The following SHROOM3 variants were observed in gnomAD, a reference collection of about 807,000 sequenced individuals.
SHROOM3 encodes the protein protein Shroom3.
In SHROOM3, 47 loss-of-function variants were observed where a neutral mutation model predicts 138.6. That is an observed-to-expected ratio of 0.34 (90% confidence interval 0.27 to 0.43). The LOEUF is 0.43. Among genes scored for constraint, SHROOM3 ranks in the 20% least tolerant of loss-of-function variants. SHROOM3 has a pLI of 1.00. For synonymous variants in SHROOM3, 1,062 were observed against 1,063.3 expected, an observed-to-expected ratio of 1.00 and a Z score of 0.02; for missense variants, 2,491 against 2,596.5, an observed-to-expected ratio of 0.96 and a Z score of 0.88.
chr4:76,729,728 T>C (rs1720820219), intron 3 of SHROOM3, among the ~76,000 whole-genome samples: 1 of 152,252 alleles, frequency 6.6e-6, no homozygotes, highest in East Asian at 1.9e-4. Context: ...CCAGGTCTCC[T>C]GACACCTGGT....
intron 2 of SHROOM3, among the ~76,000 whole-genome samples, chr4:76,658,445 A>G (rs1333570845): frequency 6.6e-6 from 1 of 152,194 alleles, no homozygotes; most frequent in African/African-American, 2.4e-5. Flanking sequence ...CATAACAGGA[A>G]ATAGCAAGAC....
At chr4:76,720,319 G>A (rs906401656) in intron 3 of SHROOM3, among the ~76,000 whole-genome samples, 2 of 151,950 alleles carry the variant, frequency 1.3e-5, no homozygotes, top group Non-Finnish European at 1.5e-5. Context: ...ACCTTTTTTC[G>A]TGTTTTGAAA....
chr4:76,483,891 A>G (rs1220074264), intron 1 of SHROOM3, among the ~76,000 whole-genome samples: 2 of 152,112 alleles, frequency 1.3e-5, no homozygotes, highest in African/African-American at 4.8e-5. Flanking sequence ...CTAACACAGT[A>G]ACAGAAAACC....
In SHROOM3 at chr4:76,552,117, C is replaced by T. The variant is rs560298730; in HGVS notation, c.169-3492C>T. Among the ~76,000 whole-genome samples, 3,896 of 150,710 alleles carry T rather than the reference C, an allele frequency of 0.026. 225 individuals carry two copies. The East Asian group carries it at 0.27, about 11-fold the overall frequency. ...ACCTTGTGATCCGCCCGCCTCGGCC[C>T]CCCTAAATTGCTGGGATTACAGGCA... On this transcript the variant is annotated intron_variant, in intron 1 of 10. Transcript: ENST00000296043.
intron 2 of SHROOM3, among the ~76,000 whole-genome samples, chr4:76,623,806 A>T (rs1310136839): frequency 6.6e-6 from 1 of 152,190 alleles, no homozygotes; most frequent in Non-Finnish European, 1.5e-5. Context: ...GAGAGTGTGG[A>T]ATTGAATGAA....
At position 76,740,433 on chromosome 4, in the gene SHROOM3, T is replaced by C; in HGVS notation, c.2260T>C (p.Ser754Pro). 1 of 1,612,570 alleles carries C rather than the reference T, an allele frequency of 6.2e-7. No individual in the cohort carries two copies. The highest frequency in any genetic ancestry group is 1.7e-5 in the Admixed American group (1 of 59,996). ...GCCTGCCCCCTCGCACCCGCACACA[T>C]CCAGTCTGGGCCGGAGGGGGCCCGG... ...EPPAPSHPHT[S>P]SLGRRGPGPG... Residue 754 changes from serine (S) to proline (P), a missense_variant, in exon 5 of 11, where the codon TCC becomes CCC. Physicochemically the swap from Ser to Pro is moderately conservative, Grantham distance 74. Coordinates refer to ENST00000296043, the MANE Select transcript of SHROOM3 (RefSeq NM_020859.4). This position sits in a 1 kb window ranked among gnomAD's most constrained non-coding sequence, Gnocchi z 4.0.
intron 2 of SHROOM3, among the ~76,000 whole-genome samples, chr4:76,594,407 G>A (rs1734339143): frequency 6.6e-6 from 1 of 152,166 alleles, no homozygotes; most frequent in Admixed American, 6.5e-5. Flanking sequence ...GAGGGAGTGA[G>A]GGTGTGACAT....
chr4:76,628,442 A>T (rs1160827098), intron 2 of SHROOM3, among the ~76,000 whole-genome samples: 2 of 152,158 alleles, frequency 1.3e-5, no homozygotes, highest in Non-Finnish European at 1.5e-5. Flanking sequence ...AACCAAGAGG[A>T]AATGTGAACA....
At chr4:76,479,309 C>G (rs894574122) in intron 1 of SHROOM3, among the ~76,000 whole-genome samples, 5 of 151,774 alleles carry the variant, frequency 3.3e-5, no homozygotes, top group Non-Finnish European at 5.9e-5. Context: ...CTGAAAAACA[C>G]AGCACAAGAA....
intron 2 of SHROOM3, among the ~76,000 whole-genome samples, chr4:76,658,839 A>T (rs1280896846): frequency 2.6e-5 from 4 of 152,194 alleles, no homozygotes; most frequent in African/African-American, 9.7e-5. Context: ...GCAGATTGCA[A>T]AACTGACACA....
intron 2 of SHROOM3, among the ~76,000 whole-genome samples, chr4:76,616,131 A>G (rs1329206485): frequency 1.3e-5 from 2 of 152,170 alleles, no homozygotes; most frequent in Non-Finnish European, 2.9e-5. Flanking sequence ...GGGTTGGACA[A>G]CACTTTGGTA....
intron 2 of SHROOM3, among the ~76,000 whole-genome samples, chr4:76,564,807 G>A (rs1733665883): frequency 6.6e-6 from 1 of 152,102 alleles, no homozygotes; most frequent in Non-Finnish European, 1.5e-5. Context: ...TCAGACAAAT[G>A]TATTCCAGAC....
intron 2 of SHROOM3, among the ~76,000 whole-genome samples, chr4:76,663,946 C>T (rs1464918159): frequency 6.6e-6 from 1 of 152,234 alleles, no homozygotes; most frequent in Non-Finnish European, 1.5e-5. Context: ...ACACCTGCCT[C>T]ACCCCAAGCT....
At position 76,739,846 on chromosome 4, in the gene SHROOM3, A is replaced by G. The variant is rs952294521; in HGVS notation, c.1673A>G (p.His558Arg). ...ATAKYVPSKV[H>R]FCSVPENEED... ...GCCAAGTATGTCCCCTCCAAAGTCC[A>G]TTTCTGTTCAGTGCCTGAAAATGAG... is the stretch of plus-strand genomic sequence containing the variant. The change falls in exon 5 of 11, where the codon CAT becomes CGT. Residue 558 changes from histidine (H) to arginine (R), a missense_variant. By Grantham distance (29) the His-to-Arg change is conservative. Coordinates refer to ENST00000296043, the MANE Select transcript of SHROOM3 (RefSeq NM_020859.4). The G allele has an allele frequency of 1.9e-6, 3 of 1,614,180 alleles. No individual in the cohort carries two copies. The Admixed American group carries it at 5.0e-5, about 27-fold the overall frequency.
rs903436250 is a variant in SHROOM3 at position 76,664,878 on chromosome 4, C to T, written c.324-45278C>T. The stretch of plus-strand genomic sequence containing the variant: ...TTAAAGGCTTCCAGGTGGTCGAGCA[C>T]GGTGGCTTTTGCCTGTAATCCTAGC... On this transcript the variant is annotated intron_variant, in intron 2 of 10. Transcript: ENST00000296043. The surrounding 1 kb of genome is among the most constrained non-coding windows in gnomAD (Gnocchi z 4.2). Among the ~76,000 whole-genome samples the T allele has an allele frequency of 6.6e-6, 1 of 152,032 alleles. No individual in the cohort carries two copies. The highest frequency in any genetic ancestry group is 1.5e-5 in the Non-Finnish European group (1 of 68,016).
intron 1 of SHROOM3, among the ~76,000 whole-genome samples, chr4:76,449,604 AT>A (rs1730883272): frequency 6.6e-6 from 1 of 152,110 alleles, no homozygotes; most frequent in Non-Finnish European, 1.5e-5. Flanking sequence ...TCCATTTCCA[AT>A]TTCCTTGTTT....
intron 2 of SHROOM3, among the ~76,000 whole-genome samples, chr4:76,627,626 G>A (rs1735183990): frequency 6.6e-6 from 1 of 151,056 alleles, no homozygotes; most frequent in Admixed American, 6.6e-5. Context: ...ATTATCATAG[G>A]TTTAAAGGCA....
intron 2 of SHROOM3, among the ~76,000 whole-genome samples, chr4:76,696,965 G>T (rs1475770567): frequency 1.3e-5 from 2 of 152,090 alleles, no homozygotes; most frequent in African/African-American, 2.4e-5. Flanking sequence ...TTGCCCAAGT[G>T]GGGTGCAGTG....
At chr4:76,694,922 C>T (rs1325886275) in intron 2 of SHROOM3, among the ~76,000 whole-genome samples, 1 of 152,208 alleles carries the variant, frequency 6.6e-6, no homozygotes, top group East Asian at 1.9e-4. Context: ...GGTTAAATAA[C>T]TTGCTGAGGG....
Sources: gnomAD v4.1 joint callset for allele counts (sites outside exome capture counted in the v4.1 genomes callset) on GRCh38, gnomAD v4.1.1 for gene constraint, Gnocchi (gnomAD v3.1) non-coding constraint, MANE v1.5 for transcripts, NCBI Gene and HGNC (gene_info 2026-07-23, HGNC 2026-07-21) for gene names.